Variants in CSMD1 observed in about 807,000 individuals in gnomAD.
CSMD1 encodes CUB and Sushi multiple domains 1.
Under a neutral mutation model 417.5 loss-of-function variants are expected in CSMD1, and 213 were observed. That is an observed-to-expected ratio of 0.51 (90% CI 0.46 to 0.57). CSMD1 has a LOEUF of 0.57. Among genes scored for constraint, CSMD1 ranks in the 20% least tolerant of loss-of-function variants. The pLI, the probability that CSMD1 is intolerant of heterozygous loss-of-function variation, is 0.00. For missense variants in CSMD1, 6,923 were observed against 4,529.7 expected, an observed-to-expected ratio of 1.53 and a Z score of -15.17; for synonymous variants, 2,862 against 1,736.8, an observed-to-expected ratio of 1.65 and a Z score of -16.11.
chr8:3,220,596 G>C (rs143452726), intron 28 of CSMD1, among the ~76,000 whole-genome samples: 1 of 152,196 alleles, frequency 6.6e-6, no homozygotes. Context: ...ACTTTGGGAG[G>C]CTGAGGCAGG....
intron 30 of CSMD1, among the ~76,000 whole-genome samples, chr8:3,208,194 C>G (rs959106987): frequency 1.3e-5 from 2 of 152,078 alleles, no homozygotes; most frequent in Non-Finnish European, 1.5e-5. Flanking sequence ...AAATTTTAGA[C>G]AAGAAGTATA....
rs569146433 is a variant in CSMD1, at chr8:3,772,637, A to G, written c.819-18595T>C. ...TATATACATATATACACATATATTT[A>G]TATACATATATACATATATACATAC... On this transcript the variant is annotated intron_variant, in intron 5 of 69. Transcript: ENST00000635120. Among the ~76,000 whole-genome samples the G allele has an allele frequency of 5.8e-4, 43 of 74,582 alleles. 5 individuals carry two copies. In the South Asian group the frequency reaches 0.015, roughly 27 times the overall value. 48.9% of individuals were successfully genotyped at this position (74,582 alleles called of 152,430 possible).
chr8:3,327,008 T>C (rs145010476), intron 23 of CSMD1, among the ~76,000 whole-genome samples: 1 of 150,456 alleles, frequency 6.6e-6, no homozygotes, highest in Non-Finnish European at 1.5e-5. Flanking sequence ...AAGACCCTAC[T>C]CTCCACTAAA....
At chr8:3,428,017 C>A (rs2117007927) in intron 12 of CSMD1, among the ~76,000 whole-genome samples, 1 of 152,286 alleles carries the variant, frequency 6.6e-6, no homozygotes, top group Non-Finnish European at 1.5e-5. Flanking sequence ...AACATAGTAA[C>A]TTTGTCAAAT....
intron 2 of CSMD1, among the ~76,000 whole-genome samples, chr8:4,422,712 A>T (rs1797318308): frequency 6.6e-6 from 1 of 152,130 alleles, no homozygotes; most frequent in Non-Finnish European, 1.5e-5. Flanking sequence ...CTCTAATATC[A>T]AAACCAGATA....
rs867841640 is a variant in CSMD1 at position 3,796,047 on chromosome 8, C to T, written c.819-42005G>A. Reference sequence around the variant, plus strand: ...TGTATAGATATAGATATATATCTATCATAGATATAGATATATATCTATCAT... The same window carrying T: ...TGTATAGATATAGATATATATCTATTATAGATATAGATATATATCTATCAT... On this transcript the variant is annotated intron_variant, in intron 5 of 69. Transcript: ENST00000635120. Among the ~76,000 whole-genome samples the T allele has an allele frequency of 2.4e-3, 92 of 38,828 alleles. 5 individuals carry two copies. The highest frequency in any genetic ancestry group is 3.3e-3 in the Non-Finnish European group (57 of 17,224). The allele number at this position is 38,828 out of a possible 152,430, so 25.5% of individuals were successfully genotyped here. A position where few individuals can be genotyped will look rare whatever the true frequency, so the allele number is the denominator to read the frequency against.
chr8:3,042,628 T>C (rs1811176218), intron 50 of CSMD1, among the ~76,000 whole-genome samples: 1 of 152,130 alleles, frequency 6.6e-6, no homozygotes, highest in Non-Finnish European at 1.5e-5. Context: ...GACTCCATCA[T>C]GGAGCAACCG....
At chr8:3,356,096 C>T (rs148267914) in intron 21 of CSMD1, among the ~76,000 whole-genome samples, 2 of 152,260 alleles carry the variant, frequency 1.3e-5, no homozygotes, top group East Asian at 3.9e-4. Context: ...CCATTTAAGT[C>T]AGACACTTAT....
chr8:3,487,661 G>C (rs1345125764), intron 11 of CSMD1, among the ~76,000 whole-genome samples: 2 of 152,198 alleles, frequency 1.3e-5, no homozygotes, highest in Non-Finnish European at 1.5e-5. Context: ...GGAATTGCCA[G>C]ATAGAATTTT....
At chr8:4,354,988 C>A (rs1222654930) in intron 3 of CSMD1, among the ~76,000 whole-genome samples, 4 of 151,694 alleles carry the variant, frequency 2.6e-5, no homozygotes, top group Non-Finnish European at 4.4e-5. Flanking sequence ...TGTGGCCAGG[C>A]ACGGTGGCTC....
intron 2 of CSMD1, among the ~76,000 whole-genome samples, chr8:4,443,109 G>A (rs551727076): frequency 6.6e-6 from 1 of 152,122 alleles, no homozygotes; most frequent in Non-Finnish European, 1.5e-5. Context: ...ATATAAAAGG[G>A]CTGTAAAAAG....
intron 3 of CSMD1, among the ~76,000 whole-genome samples, chr8:4,231,272 G>C (rs76982663): frequency 0.03 from 4,586 of 152,258 alleles, 217 homozygotes; most frequent in African/African-American, 0.11. Context: ...TCTGTTACCA[G>C]AGGCAGTGAT....
intron 5 of CSMD1, among the ~76,000 whole-genome samples, chr8:3,789,996 G>T (rs867809632): frequency 1.3e-5 from 2 of 152,140 alleles, no homozygotes; most frequent in Non-Finnish European, 2.9e-5. Flanking sequence ...CTCCCAAAGT[G>T]CTGGGATTAC....
At position 3,586,120 on chromosome 8, in the gene CSMD1, A is replaced by C. The variant is rs757241934; in HGVS notation, c.1222+16T>G. 11 of 1,606,608 alleles carry C rather than the reference A, an allele frequency of 6.8e-6. No homozygotes were observed. The highest frequency in any genetic ancestry group is 8.5e-6 in the Non-Finnish European group (10 of 1,177,432). On this transcript the variant is annotated intron_variant, in intron 9 of 69. Transcript: ENST00000635120. ...GAAAGAGATAATCCAGGCTTTACCCACCGCAGGTGCCTTACCTCGGCAGAT... is the reference window on the plus strand; with the variant it reads ...GAAAGAGATAATCCAGGCTTTACCCCCCGCAGGTGCCTTACCTCGGCAGAT...
At chr8:3,456,303 G>GCTGCACCCGCTGTC in intron 12 of CSMD1, among the ~76,000 whole-genome samples, 1 of 37,616 alleles carries the variant, frequency 2.7e-5, no homozygotes, top group East Asian at 1.1e-3. Flanking sequence ...TGCTTTGTGT[G>GCTGCACCCGCTGTC]CTGCACCCAC....
At chr8:3,142,815 T>G in intron 40 of CSMD1, 141 bp from the exon 41 acceptor site, 1 of 759,102 alleles carries the variant, frequency 1.3e-6, no homozygotes, top group Non-Finnish European at 2.2e-6. Flanking sequence ...AGGACGGCAT[T>G]CACTGTGGAT....
chr8:3,646,581 T>C (rs936433108), intron 7 of CSMD1, among the ~76,000 whole-genome samples: 36 of 152,172 alleles, frequency 2.4e-4, no homozygotes, highest in Non-Finnish European at 1.5e-5. Context: ...TGATTCTCAG[T>C]AGGACCGCCC....
At chr8:4,278,658 T>C (rs910922215) in intron 3 of CSMD1, among the ~76,000 whole-genome samples, 3 of 152,196 alleles carry the variant, frequency 2.0e-5, no homozygotes, top group Non-Finnish European at 4.4e-5. Flanking sequence ...AGTGTAGCTT[T>C]TTATTAACAT....
At chr8:3,741,889 C>T (rs1244450341) in intron 6 of CSMD1, among the ~76,000 whole-genome samples, 1 of 152,092 alleles carries the variant, frequency 6.6e-6, no homozygotes, top group Non-Finnish European at 1.5e-5. Flanking sequence ...AATTCCTTAC[C>T]ATGTGAGTCA....
Sources: allele counts gnomAD v4.1 joint callset (sites outside exome capture counted in the v4.1 genomes callset), GRCh38; gene constraint gnomAD v4.1.1; transcripts MANE v1.5; gene names NCBI Gene and HGNC (gene_info 2026-07-23, HGNC 2026-07-21).